Variants in GAB1 observed in about 807,000 individuals in gnomAD.
GAB1 encodes the protein GRB2-associated-binding protein 1.
GAB1 carries 19 observed loss-of-function variants against 66.5 expected under a neutral mutation model. That is an observed-to-expected ratio of 0.29 (90% CI 0.20 to 0.42). The LOEUF is 0.42. Among genes scored for constraint, GAB1 ranks in the 10% least tolerant of loss-of-function variants. The pLI, the probability that GAB1 is intolerant of heterozygous loss-of-function variation, is 1.00. For missense variants in GAB1, 732 were observed against 858.5 expected (o/e 0.85, Z 1.84); for synonymous variants, 294 against 301.4 (o/e 0.98, Z 0.25).
intron 2 of GAB1, 36 bp from the exon 3 acceptor site, chr4:143,433,455 T>C (rs766587403): frequency 6.7e-7 from 1 of 1,498,154 alleles, no homozygotes; most frequent in Non-Finnish European, 9.3e-7. Flanking sequence ...ATTGTTTAAC[T>C]GTGATAGACG....
chr4:143,354,296 A>AT (rs28989202), intron 1 of GAB1, among the ~76,000 whole-genome samples: 45 of 150,714 alleles, frequency 3.0e-4, no homozygotes, highest in African/African-American at 1.0e-3. Flanking sequence ...TTTTTTTCAG[A>AT]TTTTTTTTTC....
chr4:143,464,321 C>T (rs770572890), intron 8 of GAB1, among the ~76,000 whole-genome samples: 13 of 152,198 alleles, frequency 8.5e-5, no homozygotes, highest in Admixed American at 2.0e-4. Flanking sequence ...CCTCCGCCTC[C>T]GGGTTCAAGC....
chr4:143,461,518 G>A (rs1735492012), intron 8 of GAB1, among the ~76,000 whole-genome samples: 1 of 152,166 alleles, frequency 6.6e-6, no homozygotes, highest in African/African-American at 2.4e-5. Flanking sequence ...GAAGGGTACA[G>A]CCCAACTGCC....
intron 2 of GAB1, chr4:143,425,998 A>G: frequency 1.5e-6 from 1 of 646,182 alleles, no homozygotes; most frequent in South Asian, 1.9e-5. Context: ...AAAAAATTTT[A>G]AAAATTACAA....
At chr4:143,463,556 G>A (rs994301108) in intron 8 of GAB1, among the ~76,000 whole-genome samples, 1 of 147,968 alleles carries the variant, frequency 6.8e-6, no homozygotes, top group Non-Finnish European at 1.5e-5. Flanking sequence ...CCAGGAGACA[G>A]AGATTGCAGT....
chr4:143,444,039 T>C (rs1031286318), intron 6 of GAB1, among the ~76,000 whole-genome samples: 1 of 152,176 alleles, frequency 6.6e-6, no homozygotes, highest in Non-Finnish European at 1.5e-5. Flanking sequence ...AAGCATACTG[T>C]ATTAAATATT....
At chr4:143,390,409 G>GT (rs1054961533) in intron 1 of GAB1, among the ~76,000 whole-genome samples, 11 of 149,786 alleles carry the variant, frequency 7.3e-5, no homozygotes, top group South Asian at 2.1e-4. Flanking sequence ...AATAAGTAGG[G>GT]TTTTTTTTGT....
intron 1 of GAB1, among the ~76,000 whole-genome samples, chr4:143,371,698 C>G (rs1213506049): frequency 2.0e-5 from 3 of 152,172 alleles, no homozygotes. Context: ...ACATTTAAGT[C>G]TTTAATCCAT....
rs1341399601 is a variant in GAB1, at chr4:143,350,073, ACCAGGGCCT to A, written c.72+12816_72+12824del. 2.3e-5 allele frequency: 34 copies of A among 1,478,856 alleles called. No homozygotes were observed. In the African/African-American group the frequency reaches 3.6e-4, roughly 16 times the overall value. 91.6% of individuals were successfully genotyped at this position (1,478,856 alleles called of 1,614,324 possible). A position where few individuals can be genotyped will look rare whatever the true frequency, so the allele number is the denominator to read the frequency against. On this transcript the variant is annotated intron_variant, in intron 1 of 9. Transcript: ENST00000262994. ...CACCGCGGTTCCCCATCCCAGGGCC[ACCAGGGCCT>A]CCGGGCCCTCCCGCTGCACCGGCGT...
At chr4:143,442,730 C>T (rs1170701909) in intron 6 of GAB1, among the ~76,000 whole-genome samples, 3 of 151,948 alleles carry the variant, frequency 2.0e-5, no homozygotes, top group African/African-American at 4.8e-5. Context: ...AGTTCTTTAA[C>T]GTAAAAGAAC....
At chr4:143,463,390 A>T (rs764120580) in intron 8 of GAB1, among the ~76,000 whole-genome samples, 8 of 152,122 alleles carry the variant, frequency 5.3e-5, no homozygotes, top group African/African-American at 1.9e-4. Flanking sequence ...AAGGAGGCCG[A>T]GGCAGGCAGA....
At chr4:143,351,477 G>A (rs1729220261) in intron 1 of GAB1, among the ~76,000 whole-genome samples, 1 of 152,152 alleles carries the variant, frequency 6.6e-6, no homozygotes. Flanking sequence ...CCAGCCGCTT[G>A]TGTCTGCCAC....
rs1030537131 is a variant in GAB1, at chr4:143,438,045, A to G, written c.640A>G (p.Asn214Asp). Residue 214 changes from asparagine to aspartate, a missense_variant, in exon 4 of 10, where the codon AAT becomes GAT. This residue lies in a region of GAB1 where 427 missense variants were observed against 420.6 expected (regional missense o/e 1.02). Coordinates refer to ENST00000262994, the MANE Select transcript of GAB1 (RefSeq NM_002039.4). Reference protein sequence around the residue: ...AKSTSSETDCNDNVPSHKNPA... With the variant: ...AKSTSSETDCDDNVPSHKNPA... ...ATCCACCTCTTCTGAAACAGACTGC[A>G]ATGATAACGTCCCTTCTCATAAAAA... 1.2e-6 allele frequency: 2 copies of G among 1,613,816 alleles called. No homozygotes were observed. The highest frequency in any genetic ancestry group is 1.7e-6 in the Non-Finnish European group (2 of 1,179,856).
rs1736188820 is a variant in GAB1 at position 143,474,424 on chromosome 4, T to G, written c.*5235T>G. The G allele has an allele frequency of 6.6e-6, 1 of 152,168 alleles. No individual in the cohort carries two copies. The highest frequency in any genetic ancestry group is 1.5e-5 in the Non-Finnish European group (1 of 68,032). 9.4% of individuals were successfully genotyped at this position (152,168 alleles called of 1,614,324 possible). The stretch of plus-strand genomic sequence containing the variant: ...TTTATCAGATATGGTATTGTGATGG[T>G]TAATATTATGTGTCAACTTGGTGAG... On this transcript the variant is annotated 3_prime_UTR_variant, in exon 10 of 10. Coordinates refer to ENST00000262994, the MANE Select transcript of GAB1 (RefSeq NM_002039.4).
intron 6 of GAB1, among the ~76,000 whole-genome samples, chr4:143,443,407 T>C (rs1734345737): frequency 6.6e-6 from 1 of 152,184 alleles, no homozygotes; most frequent in Admixed American, 6.5e-5. Context: ...AAACTCACTT[T>C]ACAAAGTTAT....
intron 2 of GAB1, among the ~76,000 whole-genome samples, chr4:143,424,286 G>A (rs1038262003): frequency 6.6e-6 from 1 of 152,102 alleles, no homozygotes; most frequent in Non-Finnish European, 1.5e-5. Flanking sequence ...AGAGGAAAGG[G>A]GAAGTATATG....
intron 8 of GAB1, among the ~76,000 whole-genome samples, chr4:143,463,808 C>T (rs1038560785): frequency 1.3e-5 from 2 of 152,116 alleles, no homozygotes; most frequent in African/African-American, 4.8e-5. Flanking sequence ...TCCTTGTAGA[C>T]ACACAAATGT....
chr4:143,362,988 C>T (rs933468951), intron 1 of GAB1, among the ~76,000 whole-genome samples: 1 of 152,186 alleles, frequency 6.6e-6, no homozygotes, highest in Admixed American at 6.5e-5. Flanking sequence ...AATTTTATCT[C>T]TGATTCATAC....
Position 143,441,236 on chromosome 4 carries a change from C to T in GAB1, c.1585+854C>T, listed in dbSNP as rs182396600. Among the ~76,000 whole-genome samples, 25 of 152,288 alleles carry T rather than the reference C, an allele frequency of 1.6e-4. No individual in the cohort carries two copies. The East Asian group carries it at 4.8e-3, about 29-fold the overall frequency. ...GGGGTTTAAGTTGTTAAAACACAGA[C>T]AATTTGATTTGTTGCACCATGCTGT... On this transcript the variant is annotated intron_variant, in intron 6 of 9. Coordinates refer to ENST00000262994, the MANE Select transcript of GAB1 (RefSeq NM_002039.4).
Sources: allele counts gnomAD v4.1 joint callset (sites outside exome capture counted in the v4.1 genomes callset), GRCh38; gene constraint gnomAD v4.1.1; regional missense constraint gnomAD v4.1.1; transcripts MANE v1.5; gene names NCBI Gene and HGNC (gene_info 2026-07-23, HGNC 2026-07-21).